KYNU: variants seen among roughly 807,000 people sequenced by gnomAD.
The protein encoded by KYNU is kynureninase.
In KYNU, 54 loss-of-function variants were observed where a neutral mutation model predicts 59.2. The observed-to-expected ratio is 0.91, with a 90% confidence interval of 0.73 to 1.14. The LOEUF (loss-of-function observed/expected upper bound fraction) is 1.14. Among genes scored for constraint, KYNU ranks in the 50% most tolerant of loss-of-function variants. The pLI, the probability that KYNU is intolerant of heterozygous loss-of-function variation, is 0.00. For synonymous variants in KYNU, 177 were observed against 192.0 expected, an observed-to-expected ratio of 0.92 and a Z score of 0.65; for missense variants, 567 against 554.4, an observed-to-expected ratio of 1.02 and a Z score of -0.23.
intron 2 of KYNU, among the ~76,000 whole-genome samples, chr2:142,902,775 G>A (rs1309081792): frequency 6.6e-6 from 1 of 152,208 alleles, no homozygotes; most frequent in East Asian, 1.9e-4. Context: ...CAAAGGACAA[G>A]ACTGTTCAGG....
rs538645209 is a variant in KYNU at position 142,898,275 on chromosome 2, C to T, written c.169+12739C>T. Among the ~76,000 whole-genome samples, 24 of 150,210 alleles carry T rather than the reference C, an allele frequency of 1.6e-4. No individual in the cohort carries two copies. In the South Asian group the frequency reaches 3.6e-3, roughly 22 times the overall value. ...CTTTTTCTTTTTTTTTTTCATACTT[C>T]GAGGCCAAAAAATTGTCATCAAGAT... On this transcript the variant is annotated intron_variant, in intron 2 of 13. Coordinates refer to ENST00000264170, the MANE Select transcript of KYNU (RefSeq NM_003937.3).
intron 12 of KYNU, 139 bp from the exon 13 acceptor site, chr2:143,040,289 A>C: frequency 1.5e-6 from 1 of 658,160 alleles, no homozygotes; most frequent in South Asian, 1.7e-5. Flanking sequence ...ATGATTTTAC[A>C]CAAAAAGATT....
At chr2:142,941,867 T>C (rs1335709937) in intron 4 of KYNU, among the ~76,000 whole-genome samples, 3 of 151,950 alleles carry the variant, frequency 2.0e-5, no homozygotes, top group Non-Finnish European at 4.4e-5. Flanking sequence ...CTTACTTAAG[T>C]CAAATTGAAA....
At chr2:143,008,295 T>A in intron 10 of KYNU, among the ~76,000 whole-genome samples, 1 of 118,444 alleles carries the variant, frequency 8.4e-6, no homozygotes, top group Non-Finnish European at 1.7e-5. Flanking sequence ...CCAACAAAGA[T>A]CAAAAGGGAC....
rs1265023242 is a variant in KYNU at position 142,927,717 on chromosome 2, G to A, written c.349G>A (p.Val117Ile). 4 of 1,612,482 alleles carry A rather than the reference G, an allele frequency of 2.5e-6. No homozygotes were observed. Among genetic ancestry groups the A allele is most frequent in the African/African-American group, 1.3e-5 (1 of 75,002 alleles). ...TTGGATTACAGGAGATGAGAGTATT[G>A]TAGGCCTTATGAAGGACATTGTAGG... ...RPWITGDESI[V>I]GLMKDIVGAN... is the part of the protein sequence containing the mutation. The change falls in exon 4 of 14, where the codon GTA becomes ATA. Residue 117 changes from valine (V) to isoleucine (I), a missense_variant. Transcript: ENST00000264170.
intron 2 of KYNU, among the ~76,000 whole-genome samples, chr2:142,899,612 G>T (rs1277681730): frequency 6.6e-6 from 1 of 151,562 alleles, no homozygotes; most frequent in African/African-American, 2.4e-5. Context: ...TTCCTCAGGA[G>T]GAGTGCCTTT....
intron 5 of KYNU, among the ~76,000 whole-genome samples, 188 bp downstream of exon 5, chr2:142,955,059 C>G (rs750296007): frequency 6.6e-6 from 1 of 151,892 alleles, no homozygotes; most frequent in Non-Finnish European, 1.5e-5. Flanking sequence ...AGAGTTGACT[C>G]TTGAGAAGAG....
At chr2:142,992,652 TTCTA>T (rs1482973683) in intron 10 of KYNU, among the ~76,000 whole-genome samples, 3 of 151,820 alleles carry the variant, frequency 2.0e-5, no homozygotes, top group Non-Finnish European at 4.4e-5. Flanking sequence ...ACATACATCT[TTCTA>T]TCTCAGAAAC....
At chr2:143,032,020 G>A (rs1686760865) in intron 11 of KYNU, among the ~76,000 whole-genome samples, 1 of 152,136 alleles carries the variant, frequency 6.6e-6, no homozygotes, top group South Asian at 2.1e-4. Flanking sequence ...GCTCACGCCT[G>A]TAATCCCAGC....
At chr2:142,927,265 C>A (rs1487837110) in intron 3 of KYNU, among the ~76,000 whole-genome samples, 1 of 152,100 alleles carries the variant, frequency 6.6e-6, no homozygotes, top group Non-Finnish European at 1.5e-5. Context: ...AATTTATAAT[C>A]ATTTTAGTCT....
At chr2:142,902,055 T>C (rs1682114273) in intron 2 of KYNU, among the ~76,000 whole-genome samples, 1 of 152,234 alleles carries the variant, frequency 6.6e-6, no homozygotes, top group Admixed American at 6.5e-5. Flanking sequence ...CAAACGATTG[T>C]CTGACAGCCA....
At chr2:142,880,458 G>A (rs1401749778) in intron 1 of KYNU, among the ~76,000 whole-genome samples, 2 of 152,172 alleles carry the variant, frequency 1.3e-5, no homozygotes, top group Non-Finnish European at 2.9e-5. Flanking sequence ...CTTACTTGCT[G>A]CTGGAATCAC....
chr2:142,918,632 G>C lies in KYNU; in HGVS notation c.193G>C (p.Asp65His). 1 of 1,555,928 alleles carries C rather than the reference G, an allele frequency of 6.4e-7. No individual in the cohort carries two copies. Among genetic ancestry groups the C allele is most frequent in the Non-Finnish European group, 8.8e-7 (1 of 1,142,104 alleles). ...PPVDLSLVNK[D>H]ENAIYFLGNS... ...AGTTGATTTATCATTAGTGAATAAA[G>C]ATGAAAATGCCATCTATTTCTTGGG... Residue 65 changes from aspartate to histidine, a missense_variant, in exon 3 of 14, where the codon GAT becomes CAT. Physicochemically the swap from Asp to His is moderately conservative, Grantham distance 81 (BLOSUM62 -1). Coordinates refer to ENST00000264170, the MANE Select transcript of KYNU (RefSeq NM_003937.3).
chr2:143,033,400 C>T lies in KYNU; in HGVS notation c.1041+79C>T, dbSNP rs555595118. 111 of 996,230 alleles carry T rather than the reference C, an allele frequency of 1.1e-4. 1 individual carries two copies. The South Asian group carries it at 1.4e-3, about 13-fold the overall frequency. The allele number at this position is 996,230 out of a possible 1,614,324, so 61.7% of individuals were successfully genotyped here. A position where few individuals can be genotyped will look rare whatever the true frequency, so the allele number is the denominator to read the frequency against. Reference sequence around the variant, plus strand: ...TTTGTGACAATTCATAGTACTTTCTCTGCTACACAGCAAGATGATACATGT... The same window carrying T: ...TTTGTGACAATTCATAGTACTTTCTTTGCTACACAGCAAGATGATACATGT... On this transcript the variant is annotated intron_variant, in intron 12 of 13. Coordinates refer to ENST00000264170, the MANE Select transcript of KYNU (RefSeq NM_003937.3).
At chr2:142,953,744 G>T in intron 4 of KYNU, among the ~76,000 whole-genome samples, 1 of 152,142 alleles carries the variant, frequency 6.6e-6, no homozygotes, top group South Asian at 2.1e-4. Flanking sequence ...GTCAAATGGA[G>T]AAATCTATGT....
At chr2:142,894,369 G>T in intron 2 of KYNU, among the ~76,000 whole-genome samples, 1 of 151,986 alleles carries the variant, frequency 6.6e-6, no homozygotes, top group East Asian at 1.9e-4. Context: ...GCACCACCAG[G>T]AAATTTAATA....
chr2:142,902,295 G>GT (rs1312003095), intron 2 of KYNU, among the ~76,000 whole-genome samples: 3 of 152,126 alleles, frequency 2.0e-5, no homozygotes, highest in Non-Finnish European at 2.9e-5. Flanking sequence ...AGCTATTTCT[G>GT]TTTTTTGTGA....
chr2:143,010,808 G>A lies in KYNU; in HGVS notation c.903-18819G>A, dbSNP rs1486972094. 4.7e-4 allele frequency among the ~76,000 whole-genome samples: 68 copies of A among 144,960 alleles called. 3 individuals are homozygous for A. In the South Asian group the frequency reaches 0.014, roughly 29 times the overall value. On this transcript the variant is annotated intron_variant, in intron 10 of 13. Transcript: ENST00000264170. Reference sequence around the variant, plus strand: ...ACAAACCTGAGAAAAACAAGCAATGGGGAAAGGATTCCCTATTTAATAAAT... The same window carrying A: ...ACAAACCTGAGAAAAACAAGCAATGAGGAAAGGATTCCCTATTTAATAAAT...
intron 2 of KYNU, among the ~76,000 whole-genome samples, chr2:142,892,176 G>T (rs1311296641): frequency 6.6e-6 from 1 of 152,364 alleles, no homozygotes; most frequent in African/African-American, 2.4e-5. Flanking sequence ...AGACTCCAAA[G>T]TGTTGGGATT....
Sources: allele counts gnomAD v4.1 joint callset (sites outside exome capture counted in the v4.1 genomes callset), GRCh38; gene constraint gnomAD v4.1.1; transcripts MANE v1.5; gene names NCBI Gene and HGNC (gene_info 2026-07-23, HGNC 2026-07-21).